Variants in TUNAR observed in about 807,000 individuals in gnomAD.
TUNAR encodes the protein transmembrane neural differentiation associated intracellular calcium regulator.
chr14:95,879,363 G>GA (rs1337048591), intron 2 of TUNAR, among the ~76,000 whole-genome samples: 1 of 152,146 alleles, frequency 6.6e-6, no homozygotes, highest in African/African-American at 2.4e-5. Flanking sequence ...ATCTGCAAAG[G>GA]AAAAATAATG....
At chr14:95,904,311 G>C (rs544389969) in intron 2 of TUNAR, among the ~76,000 whole-genome samples, 121 of 152,294 alleles carry the variant, frequency 7.9e-4, no homozygotes, top group African/African-American at 2.6e-3. Context: ...CTGGCAGACA[G>C]ACTGAACCCA....
intron 2 of TUNAR, among the ~76,000 whole-genome samples, chr14:95,910,786 T>C (rs1488826843): frequency 1.3e-5 from 2 of 152,208 alleles, no homozygotes. Context: ...TGGAAAACTC[T>C]TGCCCAGCCC....
At chr14:95,882,247 C>A (rs569765320) in intron 2 of TUNAR, among the ~76,000 whole-genome samples, 1 of 149,572 alleles carries the variant, frequency 6.7e-6, no homozygotes, top group South Asian at 2.2e-4. Context: ...AGGGCTTCAG[C>A]TCTGGGCTAG....
chr14:95,885,494 C>G (rs1031045184), intron 2 of TUNAR, among the ~76,000 whole-genome samples: 1 of 152,054 alleles, frequency 6.6e-6, no homozygotes, highest in South Asian at 2.1e-4. Context: ...CCCTGAGAGA[C>G]GAGAAGGAAT....
chr14:95,915,866 G>A (rs529507070), intron 2 of TUNAR, among the ~76,000 whole-genome samples: 53 of 152,330 alleles, frequency 3.5e-4, no homozygotes, highest in Non-Finnish European at 6.9e-4. Context: ...GTTGCCCATC[G>A]CCTTAGCACA....
chr14:95,879,560 A>T (rs1888944139), intron 2 of TUNAR, among the ~76,000 whole-genome samples: 1 of 152,220 alleles, frequency 6.6e-6, no homozygotes, highest in Non-Finnish European at 1.5e-5. Context: ...CCAAAGCTGG[A>T]TTACATCACA....
At chr14:95,885,572 G>C (rs981032683) in intron 2 of TUNAR, among the ~76,000 whole-genome samples, 6 of 152,132 alleles carry the variant, frequency 3.9e-5, no homozygotes, top group Non-Finnish European at 8.8e-5. Context: ...AAGCACAGAG[G>C]CCTGTTTATT....
intron 2 of TUNAR, among the ~76,000 whole-genome samples, chr14:95,916,729 T>TA (rs1326342837): frequency 6.6e-6 from 1 of 152,232 alleles, no homozygotes; most frequent in Non-Finnish European, 1.5e-5. Context: ...TATCCACTGA[T>TA]ACTCCTGCCA....
exon 3 of TUNAR, chr14:95,923,287 T>A: frequency 4.4e-6 from 1 of 225,908 alleles, no homozygotes; most frequent in South Asian, 1.8e-4. Context: ...AATTCATTAT[T>A]CCAGATCGCT....
intron 2 of TUNAR, among the ~76,000 whole-genome samples, chr14:95,884,966 C>T (rs1024867074): frequency 6.6e-6 from 1 of 151,992 alleles, no homozygotes; most frequent in African/African-American, 2.4e-5. Flanking sequence ...AAACTGCACT[C>T]GAAAGGATCA....
At chr14:95,915,779 A>G (rs551666719) in intron 2 of TUNAR, among the ~76,000 whole-genome samples, 2 of 152,336 alleles carry the variant, frequency 1.3e-5, no homozygotes, top group South Asian at 4.1e-4. Flanking sequence ...TAAGCAAATG[A>G]TTAAAAACTC....
intron 2 of TUNAR, among the ~76,000 whole-genome samples, chr14:95,882,513 C>T (rs1383906422): frequency 6.6e-6 from 1 of 152,184 alleles, no homozygotes; most frequent in East Asian, 1.9e-4. Context: ...GTGCAGATGG[C>T]ACTTCATGTA....
intron 2 of TUNAR, chr14:95,896,091 C>T (rs974672839): frequency 6.6e-6 from 1 of 151,994 alleles, no homozygotes; most frequent in Admixed American, 6.6e-5. Flanking sequence ...GTTAAAAAAA[C>T]GTTTCTGCCA....
At chr14:95,920,418 G>C (rs1889677466) in intron 2 of TUNAR, among the ~76,000 whole-genome samples, 1 of 151,982 alleles carries the variant, frequency 6.6e-6, no homozygotes, top group African/African-American at 2.4e-5. Context: ...AGTATACGAG[G>C]GGAGAAAAAG....
chr14:95,919,180 G>A (rs969451212), intron 2 of TUNAR, among the ~76,000 whole-genome samples: 2 of 152,064 alleles, frequency 1.3e-5, no homozygotes, highest in Non-Finnish European at 2.9e-5. Context: ...TAAAAAGGGG[G>A]GATCCACTAA....
Position 95,895,274 on chromosome 14 carries a change from G to A in TUNAR, c.12+18097G>A, listed in dbSNP as rs1285820902. ...ACCCAGGAGGAGAGCATGGGCCAGC[G>A]GGAAGGGCAGGAAGCTAGGACTGGG... On this transcript the variant is annotated intron_variant, in intron 2 of 2. Transcript: ENST00000678517. This position sits in a 1 kb window ranked among gnomAD's most constrained non-coding sequence, Gnocchi z 4.5. 6.6e-6 allele frequency among the ~76,000 whole-genome samples: 1 copy of A among 152,210 alleles called. No homozygotes were observed. Among genetic ancestry groups the A allele is most frequent in the Non-Finnish European group, 1.5e-5 (1 of 68,040 alleles).
intron 2 of TUNAR, among the ~76,000 whole-genome samples, chr14:95,905,769 G>A (rs965155243): frequency 6.6e-6 from 1 of 152,124 alleles, no homozygotes; most frequent in African/African-American, 2.4e-5. Context: ...TATTACTGTG[G>A]TGATTGCCTA....
At chr14:95,878,804 C>G (rs909373507) in intron 2 of TUNAR, among the ~76,000 whole-genome samples, 4 of 152,088 alleles carry the variant, frequency 2.6e-5, no homozygotes, top group Non-Finnish European at 5.9e-5. Flanking sequence ...ATAGGTTAGG[C>G]CTTTCAGTAG....
At chr14:95,922,978 C>T (rs1028947258) in exon 3 of TUNAR, 16 of 398,950 alleles carry the variant, frequency 4.0e-5, no homozygotes, top group East Asian at 1.8e-4. Context: ...TGGCCCAGAG[C>T]GTCCTCAGAG....
Sources: allele counts gnomAD v4.1 joint callset (sites outside exome capture counted in the v4.1 genomes callset), GRCh38; gene constraint gnomAD v4.1.1; non-coding constraint Gnocchi (gnomAD v3.1); transcripts MANE v1.5; gene names NCBI Gene and HGNC (gene_info 2026-07-23, HGNC 2026-07-21).